The following TDRD3 variants were observed in gnomAD, a reference collection of about 807,000 sequenced individuals.
The protein encoded by TDRD3 is tudor domain containing 3.
A neutral mutation model predicts 86.7 loss-of-function variants in TDRD3; 45 were observed. That is an observed-to-expected ratio of 0.52 (90% confidence interval 0.41 to 0.67). The LOEUF is 0.67. Among genes scored for constraint, TDRD3 ranks in the 30% least tolerant of loss-of-function variants. TDRD3 has a pLI of 0.00. For synonymous variants in TDRD3, 298 were observed against 301.7 expected (o/e 0.99, Z 0.13); for missense variants, 814 against 889.0 (o/e 0.92, Z 1.07).
chr13:60,518,326 T>G (rs1213204123), intron 10 of TDRD3, among the ~76,000 whole-genome samples: 1 of 152,204 alleles, frequency 6.6e-6, no homozygotes. Flanking sequence ...CTGTGCATCT[T>G]AACACTGGAG....
intron 1 of TDRD3, 135 bp downstream of exon 1, chr13:60,397,540 T>C (rs184835083): frequency 0.32 from 199,081 of 627,890 alleles, 33,086 homozygotes; most frequent in South Asian, 0.36. Context: ...CCCGGGCCCT[T>C]CGGGCCGGCT....
chr13:60,539,620 G>C (rs1957768429), intron 12 of TDRD3, among the ~76,000 whole-genome samples: 1 of 151,560 alleles, frequency 6.6e-6, no homozygotes, highest in African/African-American at 2.4e-5. Context: ...TTAAAATGAA[G>C]AGCTATCAAT....
intron 12 of TDRD3, among the ~76,000 whole-genome samples, chr13:60,551,172 G>A (rs1295515197): frequency 2.0e-5 from 3 of 152,250 alleles, no homozygotes; most frequent in Non-Finnish European, 4.4e-5. Flanking sequence ...TTTAGCCTCT[G>A]TATCCACTGG....
At chr13:60,406,573 G>A (rs1347280101) in intron 1 of TDRD3, among the ~76,000 whole-genome samples, 2 of 152,212 alleles carry the variant, frequency 1.3e-5, no homozygotes, top group Non-Finnish European at 1.5e-5. Flanking sequence ...CTAGGTTCAA[G>A]TACTGAGAAA....
intron 1 of TDRD3, 26 bp downstream of exon 1, chr13:60,397,431 C>A: frequency 1.4e-6 from 2 of 1,477,518 alleles, no homozygotes; most frequent in South Asian, 1.3e-5. Flanking sequence ...CGCCGGCTGC[C>A]GGGCCGCGGG....
At chr13:60,533,188 T>G (rs533465719) in intron 11 of TDRD3, among the ~76,000 whole-genome samples, 3 of 152,314 alleles carry the variant, frequency 2.0e-5, no homozygotes, top group Admixed American at 1.3e-4. Context: ...CATTCAGACC[T>G]GGAAAGGAAA....
chr13:60,473,087 TC>T (rs1370787515), intron 5 of TDRD3, among the ~76,000 whole-genome samples: 1 of 152,186 alleles, frequency 6.6e-6, no homozygotes, highest in Admixed American at 6.5e-5. Flanking sequence ...TTCTCACAGT[TC>T]CAGAGGCCCA....
intron 12 of TDRD3, among the ~76,000 whole-genome samples, chr13:60,544,426 G>T (rs1957888922): frequency 7.7e-6 from 1 of 129,660 alleles, no homozygotes; most frequent in African/African-American, 3.0e-5. Context: ...GGTCAACAAA[G>T]CAAGACCATA....
At chr13:60,459,940 T>C (rs147257336) in intron 3 of TDRD3, among the ~76,000 whole-genome samples, 7,295 of 152,162 alleles carry the variant, frequency 0.048, 219 homozygotes, top group Non-Finnish European at 0.064. Flanking sequence ...TTCTTTTGGA[T>C]TGCTGCCATA....
chr13:60,456,435 G>C (rs1955671876), intron 3 of TDRD3, among the ~76,000 whole-genome samples: 2 of 152,132 alleles, frequency 1.3e-5, no homozygotes, highest in Admixed American at 6.5e-5. Context: ...TTGTTTGTTA[G>C]AGTTAGACAT....
rs1247357853 is a variant in TDRD3, at chr13:60,557,618, A to G, written c.2119-9907A>G. Reference sequence around the variant, plus strand: ...TTAAATTTTTCATTCTTTTCCTGTCATTTTTATATTTCTTAACTCTCATTA... The same window carrying G: ...TTAAATTTTTCATTCTTTTCCTGTCGTTTTTATATTTCTTAACTCTCATTA... On this transcript the variant is annotated intron_variant, in intron 12 of 13. Transcript: ENST00000377881. Among the ~76,000 whole-genome samples, 3 of 151,976 alleles carry G rather than the reference A, an allele frequency of 2.0e-5. No individual in the cohort carries two copies. The East Asian group carries it at 5.8e-4, about 29-fold the overall frequency.
chr13:60,396,115 T>C (rs1291016714), upstream of TDRD3, among the ~76,000 whole-genome samples: 2 of 152,182 alleles, frequency 1.3e-5, no homozygotes, highest in Non-Finnish European at 2.9e-5. Flanking sequence ...AGAGCGCCTC[T>C]GCCCAGTTCC....
At chr13:60,412,968 A>G (rs1039525015) in intron 1 of TDRD3, among the ~76,000 whole-genome samples, 3 of 151,984 alleles carry the variant, frequency 2.0e-5, no homozygotes, top group Admixed American at 1.3e-4. Flanking sequence ...GTTTGACTGA[A>G]TGTTTTTGTT....
intron 1 of TDRD3, among the ~76,000 whole-genome samples, chr13:60,421,470 G>C (rs552154382): frequency 6.6e-6 from 1 of 152,192 alleles, no homozygotes; most frequent in South Asian, 2.1e-4. Context: ...TTCGAGATGA[G>C]ATTTGGGTGG....
upstream of TDRD3, chr13:60,396,646 A>AGCAGGTTTTCTT (rs1953916895): frequency 6.5e-6 from 1 of 153,592 alleles, no homozygotes; most frequent in Non-Finnish European, 1.4e-5. Flanking sequence ...GTCCCCTAAA[A>AGCAGGTTTTCTT]GCAGGTTTTC....
At chr13:60,556,138 A>C (rs1190762225) in intron 12 of TDRD3, among the ~76,000 whole-genome samples, 4 of 152,062 alleles carry the variant, frequency 2.6e-5, no homozygotes, top group African/African-American at 4.8e-5. Context: ...GAGCCACCGC[A>C]CCCGGCCCAA....
chr13:60,491,170 T>C (rs966874985), intron 7 of TDRD3, among the ~76,000 whole-genome samples: 4 of 150,106 alleles, frequency 2.7e-5, no homozygotes, highest in Non-Finnish European at 4.4e-5. Flanking sequence ...CCCAGAGAAA[T>C]TGGCAGGTTA....
chr13:60,477,221 A>ATTATTG (rs1240211800), intron 5 of TDRD3, among the ~76,000 whole-genome samples: 1 of 150,144 alleles, frequency 6.7e-6, no homozygotes, highest in African/African-American at 2.4e-5. Flanking sequence ...TATTGTTATT[A>ATTATTG]TTATTATTAT....
chr13:60,406,488 C>A (rs1954237636), intron 1 of TDRD3, among the ~76,000 whole-genome samples: 2 of 152,070 alleles, frequency 1.3e-5, no homozygotes, highest in South Asian at 4.1e-4. Flanking sequence ...GGCTACAAGA[C>A]AATTTAAAAT....
Sources: gnomAD v4.1 joint callset for allele counts (sites outside exome capture counted in the v4.1 genomes callset) on GRCh38, gnomAD v4.1.1 for gene constraint, MANE v1.5 for transcripts, NCBI Gene and HGNC (gene_info 2026-07-23, HGNC 2026-07-21) for gene names.